SKAP2: variants seen among roughly 807,000 people sequenced by gnomAD.
SKAP2 encodes the protein src kinase-associated phosphoprotein 2.
A neutral mutation model predicts 54.9 loss-of-function variants in SKAP2; 28 were observed. The ratio of observed to expected loss-of-function variants is 0.51; its 90% CI spans 0.38 to 0.70. The LOEUF (loss-of-function observed/expected upper bound fraction) is 0.70, where lower values mean the gene tolerates loss of function less well. Ranked by LOEUF, SKAP2 falls within the 30% of genes least tolerant of loss-of-function variation. The pLI is 0.00. For synonymous variants in SKAP2, 137 were observed against 134.3 expected, an observed-to-expected ratio of 1.02 and a Z score of -0.14; for missense variants, 356 against 424.1, an observed-to-expected ratio of 0.84 and a Z score of 1.41.
chr7:26,821,099 G>A (rs1028851907), intron 4 of SKAP2, among the ~76,000 whole-genome samples: 1 of 144,494 alleles, frequency 6.9e-6, no homozygotes, highest in African/African-American at 2.5e-5. Context: ...CTCATGACAT[G>A]ATGAAACATA....
the SKAP2 span, among the ~76,000 whole-genome samples, chr7:26,658,083 A>G: frequency 3.3e-5 from 5 of 152,146 alleles, no homozygotes. Flanking sequence ...GTCGACTTCA[A>G]CAAAGACCTC....
intron 4 of SKAP2, among the ~76,000 whole-genome samples, chr7:26,809,035 G>T (rs958101633): frequency 3.3e-5 from 5 of 152,172 alleles, no homozygotes; most frequent in African/African-American, 1.2e-4. Context: ...GAAAATATTT[G>T]CAAACCACAC....
At chr7:26,730,945 T>C (rs1787811325) in intron 6 of SKAP2, among the ~76,000 whole-genome samples, 1 of 152,178 alleles carries the variant, frequency 6.6e-6, no homozygotes, top group Non-Finnish European at 1.5e-5. Context: ...ATATCTCATA[T>C]ACACCTGGTA....
chr7:26,789,978 A>G (rs1031242964), intron 4 of SKAP2, among the ~76,000 whole-genome samples: 1 of 152,162 alleles, frequency 6.6e-6, no homozygotes, highest in African/African-American at 2.4e-5. Flanking sequence ...CACAGCTGCA[A>G]TGATATATTA....
chr7:26,847,704 T>C (rs1300394070), intron 3 of SKAP2, among the ~76,000 whole-genome samples: 1 of 152,212 alleles, frequency 6.6e-6, no homozygotes, highest in Non-Finnish European at 1.5e-5. Flanking sequence ...TCACACAAAA[T>C]GTCAGTGGTG....
At chr7:26,846,121 A>C (rs1040796593) in intron 3 of SKAP2, among the ~76,000 whole-genome samples, 1 of 152,152 alleles carries the variant, frequency 6.6e-6, no homozygotes, top group Non-Finnish European at 1.5e-5. Context: ...TAATGAAATT[A>C]AGAATTTTTG....
At chr7:26,752,908 T>C (rs542039337) in intron 4 of SKAP2, among the ~76,000 whole-genome samples, 3 of 152,270 alleles carry the variant, frequency 2.0e-5, no homozygotes, top group African/African-American at 7.2e-5. Flanking sequence ...CAGAACAACA[T>C]GTTACTGAGA....
At chr7:26,856,193 TAA>T (rs3839808) in intron 1 of SKAP2, among the ~76,000 whole-genome samples, 1 of 151,726 alleles carries the variant, frequency 6.6e-6, no homozygotes, top group Non-Finnish European at 1.5e-5. Flanking sequence ...TGTAATAATT[TAA>T]AAAAAATAGC....
chr7:26,817,135 G>C (rs933652636), intron 4 of SKAP2, among the ~76,000 whole-genome samples: 29 of 152,082 alleles, frequency 1.9e-4, no homozygotes, highest in African/African-American at 6.3e-4. Flanking sequence ...CCCCCACCAT[G>C]ATTTTGGGAT....
chr7:26,707,677 T>C (rs1170846046), intron 9 of SKAP2, among the ~76,000 whole-genome samples: 1 of 152,122 alleles, frequency 6.6e-6, no homozygotes, highest in African/African-American at 2.4e-5. Flanking sequence ...AACATCTTCA[T>C]GGACACAGGA....
chr7:26,718,022 T>TATACATACATAC (rs755874393), intron 9 of SKAP2, among the ~76,000 whole-genome samples: 2 of 151,726 alleles, frequency 1.3e-5, no homozygotes, highest in African/African-American at 4.8e-5. Context: ...ATTATATATA[T>TATACATACATAC]ATACATACAT....
intron 4 of SKAP2, among the ~76,000 whole-genome samples, chr7:26,781,824 A>G (rs762874421): frequency 2.6e-5 from 4 of 152,232 alleles, no homozygotes; most frequent in Admixed American, 6.5e-5. Context: ...GGACTGAAAT[A>G]GCCTCCTAGC....
intron 6 of SKAP2, among the ~76,000 whole-genome samples, chr7:26,729,298 T>C (rs1483802771): frequency 6.6e-6 from 1 of 152,170 alleles, no homozygotes; most frequent in Non-Finnish European, 1.5e-5. Flanking sequence ...CATAGACATG[T>C]ACTTGTTCGA....
chr7:26,677,844 T>A (rs1475887768), intron 11 of SKAP2, among the ~76,000 whole-genome samples: 1 of 152,220 alleles, frequency 6.6e-6, no homozygotes, highest in African/African-American at 2.4e-5. Flanking sequence ...GATTAGAAAA[T>A]GAAATAATTT....
intron 4 of SKAP2, among the ~76,000 whole-genome samples, chr7:26,823,425 CAAA>C (rs60207927): frequency 1.1e-5 from 1 of 94,018 alleles, no homozygotes. Context: ...GACTTTGTCT[CAAA>C]AAAAAAAAAA....
chr7:26,857,335 AC>A (rs1300186288), intron 1 of SKAP2: 672 of 183,286 alleles, frequency 3.7e-3, no homozygotes, highest in Non-Finnish European at 5.2e-3. Flanking sequence ...AAAAAAAAAA[AC>A]TTTAAACTGG....
intron 9 of SKAP2, among the ~76,000 whole-genome samples, chr7:26,703,821 C>T (rs759209704): frequency 2.0e-5 from 3 of 152,066 alleles, no homozygotes; most frequent in Non-Finnish European, 4.4e-5. Context: ...GATAATGAAA[C>T]GAAGGCATAG....
intron 6 of SKAP2, among the ~76,000 whole-genome samples, chr7:26,735,838 A>T (rs889209259): frequency 2.0e-5 from 3 of 152,214 alleles, no homozygotes; most frequent in Non-Finnish European, 4.4e-5. Context: ...GGATCATGCC[A>T]AACAAGTAAT....
In SKAP2 at chr7:26,725,953, A is replaced by G; in HGVS notation, c.628T>C (p.Trp210Arg). 6.2e-7 allele frequency: 1 copy of G among 1,611,440 alleles called. No homozygotes were observed. Among genetic ancestry groups the G allele is most frequent in the Admixed American group, 1.7e-5 (1 of 59,926 alleles). The stretch of plus-strand genomic sequence containing the variant: ...AATACAAATTTCAGCTGCTGTACCC[A>G]TTCTTCAGCATCTTTGGGAGAAGCT... ...TAASPKDAEEWVQQLKFVLQD... is the reference protein window; with the variant it reads ...TAASPKDAEERVQQLKFVLQD... Residue 210 changes from tryptophan (W) to arginine (R), a missense_variant, in exon 8 of 13, where the codon TGG (tryptophan) becomes CGG (arginine). Coordinates refer to ENST00000345317, the MANE Select transcript of SKAP2 (RefSeq NM_003930.5).
Sources: gnomAD v4.1 joint callset for allele counts (sites outside exome capture counted in the v4.1 genomes callset) on GRCh38, gnomAD v4.1.1 for gene constraint, MANE v1.5 for transcripts, NCBI Gene and HGNC (gene_info 2026-07-23, HGNC 2026-07-21) for gene names.